Variants in ALS2 observed in about 807,000 individuals in gnomAD.
The protein encoded by ALS2 is alsin.
A neutral mutation model predicts 203.4 loss-of-function variants in ALS2; 117 were observed. The observed-to-expected ratio is 0.58, with a 90% CI of 0.50 to 0.67. The LOEUF is 0.67. ALS2 is among the 30% of genes least tolerant of loss of function. The probability of loss-of-function intolerance (pLI) is 0.00; values close to 1 mark genes in which losing one functional copy is unlikely to be tolerated. For synonymous variants in ALS2, 718 were observed against 725.9 expected (o/e 0.99, Z 0.17); for missense variants, 1,715 against 1,989.4 (o/e 0.86, Z 2.62).
In ALS2 at chr2:201,710,034, C is replaced by G; in HGVS notation, c.4127G>C (p.Cys1376Ser). Residue 1376 changes from cysteine to serine, a missense_variant, in exon 27 of 34, where the codon TGT becomes TCT. Physicochemically the swap from Cys to Ser is moderately radical, Grantham distance 112 (BLOSUM62 -1). Transcript: ENST00000264276. ...DDIRKYLIKA[C>S]DTPLHPLGRL... ...GCCCAGGGGGTGCAGAGGAGTGTCA[C>G]AGGCCTGAGTAGGAAAAGAATCAAT... is the stretch of plus-strand genomic sequence containing the variant. 3 of 1,613,848 alleles carry G rather than the reference C, an allele frequency of 1.9e-6. No homozygotes were observed. The highest frequency in any genetic ancestry group is 2.5e-6 in the Non-Finnish European group (3 of 1,179,812).
chr2:201,771,914 T>A (rs550195343), intron 1 of ALS2, among the ~76,000 whole-genome samples: 1 of 152,234 alleles, frequency 6.6e-6, no homozygotes, highest in South Asian at 2.1e-4. Flanking sequence ...AGAAGCCATG[T>A]GATGTTGCAT....
intron 19 of ALS2, 88 bp from the exon 20 acceptor site, chr2:201,725,542 A>C: frequency 9.1e-7 from 1 of 1,097,704 alleles, no homozygotes; most frequent in Non-Finnish European, 1.4e-6. Context: ...CATTTTAACA[A>C]GGAAGACAGA....
chr2:201,770,648 T>C (rs1694333488), intron 1 of ALS2, among the ~76,000 whole-genome samples: 1 of 152,142 alleles, frequency 6.6e-6, no homozygotes, highest in South Asian at 2.1e-4. Context: ...GTTATCCAGG[T>C]GCACCCAATG....
At chr2:201,764,997 CTT>C (rs572984053) in intron 3 of ALS2, among the ~76,000 whole-genome samples, 11 of 145,216 alleles carry the variant, frequency 7.6e-5, no homozygotes, top group Non-Finnish European at 4.6e-5. Context: ...AGTCGAATAA[CTT>C]TTTTTTTTTT....
In ALS2 at chr2:201,715,695, G is replaced by A. The variant is rs1190350825; in HGVS notation, c.3981C>T (p.Thr1327=). ...AWDNIAVALT[T]SRRQHRDSPE... ...ACCTGTCTCTGTGCTGGCGCCGACT[G>A]GTGGTCAAGGCCACAGCAATATTGT... Residue 1327 remains threonine, a synonymous_variant, in exon 25 of 34, where the codon ACC becomes ACT. Transcript: ENST00000264276. 5 of 1,614,166 alleles carry A rather than the reference G, an allele frequency of 3.1e-6. No individual in the cohort carries two copies. Among genetic ancestry groups the A allele is most frequent in the Non-Finnish European group, 3.4e-6 (4 of 1,180,030 alleles).
chr2:201,707,698 G>A (rs1172981692), intron 28 of ALS2, among the ~76,000 whole-genome samples, 171 bp downstream of exon 28: 1 of 152,082 alleles, frequency 6.6e-6, no homozygotes, highest in Non-Finnish European at 1.5e-5. Context: ...CCAAAGTGTG[G>A]GATTACAGGT....
At chr2:201,736,547 G>C (rs1056817251) in intron 12 of ALS2, among the ~76,000 whole-genome samples, 3 of 152,022 alleles carry the variant, frequency 2.0e-5, no homozygotes, top group Non-Finnish European at 4.4e-5. Flanking sequence ...TGCTAAACTA[G>C]AAGTTGTTAA....
At position 201,701,889 on chromosome 2, in the gene ALS2, C is replaced by A; in HGVS notation, c.4936G>T (p.Ala1646Ser). ...EQGIMFTTLK[A>S]CYYQIQREKL... Reference sequence around the variant, plus strand: ...TCACGCTGAATCTGGTAGTAACATGCCTGGAAGAAAAGTTCAAAATAATTT... The same window carrying A: ...TCACGCTGAATCTGGTAGTAACATGACTGGAAGAAAAGTTCAAAATAATTT... Residue 1646 changes from alanine to serine, a missense_variant and splice_region_variant, in exon 34 of 34, where the codon GCA (alanine) becomes TCA (serine). By Grantham distance (99) the Ala-to-Ser change is moderately conservative (BLOSUM62 1). This residue lies in a region of ALS2 where 1,227 missense variants were observed against 1,413.5 expected (regional missense o/e 0.87). Coordinates refer to ENST00000264276, the MANE Select transcript of ALS2 (RefSeq NM_020919.4). The A allele has an allele frequency of 6.2e-7, 1 of 1,613,416 alleles. No individual in the cohort carries two copies. The highest frequency in any genetic ancestry group is 8.5e-7 in the Non-Finnish European group (1 of 1,179,736).
At chr2:201,747,007 C>T (rs767049246) in intron 8 of ALS2, among the ~76,000 whole-genome samples, 3 of 152,132 alleles carry the variant, frequency 2.0e-5, no homozygotes, top group Non-Finnish European at 4.4e-5. Flanking sequence ...AAAAACCACA[C>T]ATCTAATTTT....
chr2:201,706,194 T>C (rs12474216), intron 29 of ALS2, among the ~76,000 whole-genome samples: 23 of 152,192 alleles, frequency 1.5e-4, no homozygotes, highest in Admixed American at 1.2e-3. Flanking sequence ...GAGACCAGCC[T>C]GGCCAACATG....
chr2:201,757,405 G>A lies in ALS2; in HGVS notation c.1468C>T (p.Gln490Ter), dbSNP rs1341228448. The A allele has an allele frequency of 2.5e-6, 4 of 1,612,966 alleles. No individual in the cohort carries two copies. Among genetic ancestry groups the A allele is most frequent in the African/African-American group, 1.3e-5 (1 of 74,986 alleles). Reference sequence around the variant, plus strand: ...CAAAACCTAGTTATTTCCTTACCTTGTGACAACAATCCAGGGAGGGAGAGT... The same window carrying A: ...CAAAACCTAGTTATTTCCTTACCTTATGACAACAATCCAGGGAGGGAGAGT... ...RRLSLPGLLS[Q>*]VSPRLLRKAA... The change falls in exon 5 of 34, where the codon CAA (glutamine) becomes TAA (stop). Residue 490 changes from glutamine (Q) to a stop codon, truncating the protein, a stop_gained. Coordinates refer to ENST00000264276, the MANE Select transcript of ALS2 (RefSeq NM_020919.4). LOFTEE classifies it high-confidence loss of function.
At chr2:201,767,115 A>G (rs1483857394) in intron 3 of ALS2, 114 bp downstream of exon 3, 1 of 1,218,844 alleles carries the variant, frequency 8.2e-7, no homozygotes, top group Non-Finnish European at 1.1e-6. Context: ...TAAAAAAAAA[A>G]GAAAGAAAAA....
chr2:201,740,767 T>G (rs573787152), intron 11 of ALS2, among the ~76,000 whole-genome samples: 1 of 152,306 alleles, frequency 6.6e-6, no homozygotes, highest in South Asian at 2.1e-4. Flanking sequence ...TTAGTTCTGG[T>G]GGTAGGATTA....
At chr2:201,712,577 C>T (rs1027915682) in intron 25 of ALS2, among the ~76,000 whole-genome samples, 5 of 152,062 alleles carry the variant, frequency 3.3e-5, no homozygotes, top group Non-Finnish European at 5.9e-5. Flanking sequence ...ATTTTAACAA[C>T]GAAGGCACAG....
In ALS2 at chr2:201,761,548, G is replaced by A; in HGVS notation, c.446C>T (p.Ala149Val). ...IADSEASPLLAVRILQLACGE... is the reference protein window; with the variant it reads ...IADSEASPLLVVRILQLACGE... ...ACACGCCAACTGTAAAATCCTGACT[G>A]CTAACAAAGGGCTGGCCTCAGAATC... The change falls in exon 4 of 34, where the codon GCA becomes GTA. Residue 149 changes from alanine to valine, a missense_variant. Physicochemically the swap from Ala to Val is moderately conservative, Grantham distance 64. Around this residue, in one of 3 missense-constraint regions of ALS2, gnomAD observed 476 missense variants for 539.3 expected, o/e 0.88. Coordinates refer to ENST00000264276, the MANE Select transcript of ALS2 (RefSeq NM_020919.4). 1 of 1,614,178 alleles carries A rather than the reference G, an allele frequency of 6.2e-7. No individual in the cohort carries two copies. The highest frequency in any genetic ancestry group is 8.5e-7 in the Non-Finnish European group (1 of 1,180,024).
intron 23 of ALS2, among the ~76,000 whole-genome samples, chr2:201,720,377 T>G (rs781524465): frequency 6.6e-6 from 1 of 151,836 alleles, no homozygotes; most frequent in African/African-American, 2.4e-5. Flanking sequence ...CACATGATCA[T>G]CTCAACAGAT....
Position 201,746,721 on chromosome 2 carries a change from T to C in ALS2, c.1843A>G (p.Ile615Val), listed in dbSNP as rs771153531. 1 of 1,614,172 alleles carries C rather than the reference T, an allele frequency of 6.2e-7. No individual in the cohort carries two copies. The highest frequency in any genetic ancestry group is 1.1e-5 in the South Asian group (1 of 91,076). ...AGGGAATAATCCCTGCCTGCAGCTA[T>C]GCTCCAGACTCCATTTTCACTGCTT... is the stretch of plus-strand genomic sequence containing the variant. ...KISSENGVWSIAAGRDYSLFL... is the reference protein window; with the variant it reads ...KISSENGVWSVAAGRDYSLFL... The change falls in exon 9 of 34, where the codon ATA (isoleucine) becomes GTA (valine). Residue 615 changes from isoleucine (I) to valine (V), a missense_variant. Transcript: ENST00000264276.
Position 201,758,977 on chromosome 2 carries a change from T to C in ALS2, c.1114-1218A>G, listed in dbSNP as rs115483282. On this transcript the variant is annotated intron_variant, in intron 4 of 33. Transcript: ENST00000264276. Reference sequence around the variant, plus strand: ...TATACTTAATAAAACGAAAAAGAAATACAAAGCCTATTACTTCTTTGGTGA... The same window carrying C: ...TATACTTAATAAAACGAAAAAGAAACACAAAGCCTATTACTTCTTTGGTGA... 6.3e-3 allele frequency among the ~76,000 whole-genome samples: 958 copies of C among 152,208 alleles called. 13 individuals carry two copies. The highest frequency in any genetic ancestry group is 0.022 in the African/African-American group (926 of 41,540).
In ALS2 at chr2:201,704,283, A is replaced by G. The variant is rs1304813505; in HGVS notation, c.4839-65T>C. Reference sequence around the variant, plus strand: ...ACATGTCCATTCTCCTTTTGAATCTAGTTGATGGGAAAAAGAAAGAACAGC... The same window carrying G: ...ACATGTCCATTCTCCTTTTGAATCTGGTTGATGGGAAAAAGAAAGAACAGC... On this transcript the variant is annotated intron_variant, in intron 32 of 33. Coordinates refer to ENST00000264276, the MANE Select transcript of ALS2 (RefSeq NM_020919.4). The G allele has an allele frequency of 3.3e-6, 5 of 1,525,190 alleles. No homozygotes were observed. The South Asian group carries it at 5.6e-5, about 17-fold the overall frequency. 94.5% of individuals were successfully genotyped at this position (1,525,190 alleles called of 1,614,324 possible).
Sources: allele counts gnomAD v4.1 joint callset (sites outside exome capture counted in the v4.1 genomes callset), GRCh38; gene constraint gnomAD v4.1.1; regional missense constraint gnomAD v4.1.1; transcripts MANE v1.5; gene names NCBI Gene and HGNC (gene_info 2026-07-23, HGNC 2026-07-21).